RAP2A: variants seen among roughly 807,000 people sequenced by gnomAD.
RAP2A encodes ras-related protein Rap-2a.
In RAP2A, 5 loss-of-function variants were observed where a neutral mutation model predicts 15.1. The observed-to-expected ratio is 0.33, with a 90% CI of 0.17 to 0.70. RAP2A has a LOEUF of 0.70. Ranked by LOEUF, RAP2A falls within the 30% of genes least tolerant of loss-of-function variation. The probability of loss-of-function intolerance (pLI) is 0.68; values close to 1 mark genes in which losing one functional copy is unlikely to be tolerated. For missense variants in RAP2A, 111 were observed against 240.3 expected, an observed-to-expected ratio of 0.46 and a Z score of 3.56; for synonymous variants, 110 against 99.7, an observed-to-expected ratio of 1.10 and a Z score of -0.62.
intron 1 of RAP2A, among the ~76,000 whole-genome samples, chr13:97,436,908 T>TA (rs1449431637): frequency 6.6e-6 from 1 of 152,206 alleles, no homozygotes; most frequent in Non-Finnish European, 1.5e-5. Context: ...AGTAAGGTAT[T>TA]TTACACCTCA....
chr13:97,461,982 A>T (rs1032631892), intron 1 of RAP2A, among the ~76,000 whole-genome samples: 35 of 143,968 alleles, frequency 2.4e-4, no homozygotes, highest in African/African-American at 8.4e-4. Flanking sequence ...ATATATATAT[A>T]TATATATTTA....
At chr13:97,462,317 G>A (rs1450313431) in intron 1 of RAP2A, among the ~76,000 whole-genome samples, 2 of 152,026 alleles carry the variant, frequency 1.3e-5, no homozygotes, top group East Asian at 3.8e-4. Context: ...CATTTTGCAA[G>A]TAACACAAAT....
At chr13:97,434,872 G>A (rs2066626052) in intron 1 of RAP2A, 88 bp downstream of exon 1, 1 of 1,528,230 alleles carries the variant, frequency 6.5e-7, no homozygotes, top group Non-Finnish European at 8.8e-7. Flanking sequence ...TCCGGGGAAG[G>A]GGCTTTCTGG....
At chr13:97,440,089 G>A (rs1375448246) in intron 1 of RAP2A, among the ~76,000 whole-genome samples, 1 of 152,030 alleles carries the variant, frequency 6.6e-6, no homozygotes, top group Non-Finnish European at 1.5e-5. Flanking sequence ...CGAAACGAGA[G>A]TATACATCAA....
chr13:97,462,305 T>TA (rs1054105978), intron 1 of RAP2A, among the ~76,000 whole-genome samples: 1 of 152,066 alleles, frequency 6.6e-6, no homozygotes, highest in African/African-American at 2.4e-5. Flanking sequence ...GAAATGTAAT[T>TA]ACATTTTGCA....
At chr13:97,435,465 CAAAAAAAA>C (rs35791914) in intron 1 of RAP2A, among the ~76,000 whole-genome samples, 17 of 63,652 alleles carry the variant, frequency 2.7e-4, no homozygotes, top group Middle Eastern at 9.6e-3. Flanking sequence ...TAACCCCTTC[CAAAAAAAA>C]AAAAAAAAAA....
chr13:97,441,798 C>T lies in RAP2A; in HGVS notation c.314+7014C>T, dbSNP rs781456908. 5.4e-5 allele frequency: 24 copies of T among 444,768 alleles called. 1 individual carries two copies. Among genetic ancestry groups the T allele is most frequent in the South Asian group, 3.5e-4 (22 of 62,428 alleles). 27.6% of individuals were successfully genotyped at this position (444,768 alleles called of 1,614,324 possible). A position where few individuals can be genotyped will look rare whatever the true frequency, so the allele number is the denominator to read the frequency against. ...TGTTGTAAAAAGAGTTTTAAGTACTCTAAGTTTTTTTGGAGTAATAAGAGT... is the reference window on the plus strand; with the variant it reads ...TGTTGTAAAAAGAGTTTTAAGTACTTTAAGTTTTTTTGGAGTAATAAGAGT... On this transcript the variant is annotated intron_variant, in intron 1 of 1. Coordinates refer to ENST00000245304, the MANE Select transcript of RAP2A (RefSeq NM_021033.7).
At chr13:97,444,959 A>C (rs1053405236) in intron 1 of RAP2A, among the ~76,000 whole-genome samples, 7 of 152,196 alleles carry the variant, frequency 4.6e-5, no homozygotes, top group Non-Finnish European at 1.5e-5. Context: ...CAGGAAATCC[A>C]AAGTCAAGAC....
chr13:97,456,878 G>T (rs748455970), intron 1 of RAP2A, among the ~76,000 whole-genome samples: 3 of 152,096 alleles, frequency 2.0e-5, no homozygotes, highest in Non-Finnish European at 1.5e-5. Flanking sequence ...TTCAAAACAA[G>T]TCAGGTTGGA....
chr13:97,453,404 G>A (rs756829176), intron 1 of RAP2A, among the ~76,000 whole-genome samples: 31 of 150,952 alleles, frequency 2.1e-4, no homozygotes, highest in African/African-American at 2.4e-5. Flanking sequence ...CTTAGTCCCT[G>A]CCAACCATTG....
intron 1 of RAP2A, among the ~76,000 whole-genome samples, chr13:97,447,115 C>T (rs574089082): frequency 6.6e-5 from 10 of 152,250 alleles, no homozygotes; most frequent in Admixed American, 1.3e-4. Context: ...AATTTTAACT[C>T]TTAAAATAAC....
chr13:97,434,692 C>T lies in RAP2A; in HGVS notation c.222C>T (p.Asn74=), dbSNP rs767292408. 3.1e-6 allele frequency: 5 copies of T among 1,614,144 alleles called. No homozygotes were observed. The highest frequency in any genetic ancestry group is 1.7e-5 in the Admixed American group (1 of 60,026). The change falls in exon 1 of 2, where the codon AAC becomes AAT. Residue 74 remains asparagine (N), a synonymous_variant. Transcript: ENST00000245304. ...CCATGCGGGACCTGTACATCAAGAACGGCCAGGGCTTCATCCTCGTCTACA... is the reference window on the plus strand; with the variant it reads ...CCATGCGGGACCTGTACATCAAGAATGGCCAGGGCTTCATCCTCGTCTACA... ...FASMRDLYIK[N]GQGFILVYSL...
chr13:97,439,863 A>G (rs1414117719), intron 1 of RAP2A, among the ~76,000 whole-genome samples: 1 of 152,142 alleles, frequency 6.6e-6, no homozygotes, highest in Non-Finnish European at 1.5e-5. Context: ...GGAAAAAGAT[A>G]GTTGACTAGC....
rs1316630218 is a variant in RAP2A, at chr13:97,468,333, T to G, written c.*3891T>G. ...TAATTAGCAATATCACTAAAATGATTCAGAGGCCTTCTAGTGATGGCTTGA... is the reference window on the plus strand; with the variant it reads ...TAATTAGCAATATCACTAAAATGATGCAGAGGCCTTCTAGTGATGGCTTGA... On this transcript the variant is annotated 3_prime_UTR_variant, in exon 2 of 2. Coordinates refer to ENST00000245304, the MANE Select transcript of RAP2A (RefSeq NM_021033.7). The G allele has an allele frequency of 1.3e-5, 2 of 152,244 alleles. No homozygotes were observed. Among genetic ancestry groups the G allele is most frequent in the Non-Finnish European group, 2.9e-5 (2 of 68,038 alleles). The allele number at this position is 152,244 out of a possible 1,614,324, so 9.4% of individuals were successfully genotyped here.
rs2066783047 is a variant in RAP2A at position 97,468,713 on chromosome 13, A to G, written c.*4271A>G. 6.6e-6 allele frequency: 1 copy of G among 152,242 alleles called. No homozygotes were observed. The highest frequency in any genetic ancestry group is 1.5e-5 in the Non-Finnish European group (1 of 68,050). The allele number at this position is 152,242 out of a possible 1,614,324, so 9.4% of individuals were successfully genotyped here. A position where few individuals can be genotyped will look rare whatever the true frequency, so the allele number is the denominator to read the frequency against. ...GAAAACATGCCTATATTTTAGGAAT[A>G]TCTTCTGAAGAACTTCATAATTTTA... On this transcript the variant is annotated 3_prime_UTR_variant, in exon 2 of 2. Transcript: ENST00000245304.
chr13:97,440,042 T>C (rs2066650616), intron 1 of RAP2A, among the ~76,000 whole-genome samples: 1 of 152,146 alleles, frequency 6.6e-6, no homozygotes, highest in Non-Finnish European at 1.5e-5. Flanking sequence ...TTGTTACACA[T>C]AGATCTTTGG....
intron 1 of RAP2A, among the ~76,000 whole-genome samples, chr13:97,461,343 T>C (rs576443671): frequency 6.6e-6 from 1 of 152,300 alleles, no homozygotes; most frequent in African/African-American, 2.4e-5. Flanking sequence ...TCTGAGGATA[T>C]TAATGTGGAT....
chr13:97,466,028 G>A lies in RAP2A; in HGVS notation c.*1586G>A, dbSNP rs1285415214. Reference sequence around the variant, plus strand: ...AGTGTGTGTTTGTGTGTGCATGTGTGTTTATTGTTCCTAAGAATTTGGCAC... The same window carrying A: ...AGTGTGTGTTTGTGTGTGCATGTGTATTTATTGTTCCTAAGAATTTGGCAC... On this transcript the variant is annotated 3_prime_UTR_variant, in exon 2 of 2. Transcript: ENST00000245304. 6.6e-6 allele frequency: 1 copy of A among 152,126 alleles called. No individual in the cohort carries two copies. The highest frequency in any genetic ancestry group is 1.5e-5 in the Non-Finnish European group (1 of 68,024). The allele number at this position is 152,126 out of a possible 1,614,324, so 9.4% of individuals were successfully genotyped here.
Position 97,464,520 on chromosome 13 carries a change from C to T in RAP2A, c.*78C>T. 1.5e-6 allele frequency: 2 copies of T among 1,304,868 alleles called. No homozygotes were observed. The highest frequency in any genetic ancestry group is 2.2e-6 in the Non-Finnish European group (2 of 909,140). 80.8% of individuals were successfully genotyped at this position (1,304,868 alleles called of 1,614,324 possible). A position where few individuals can be genotyped will look rare whatever the true frequency, so the allele number is the denominator to read the frequency against. On this transcript the variant is annotated 3_prime_UTR_variant, in exon 2 of 2. Transcript: ENST00000245304. Reference sequence around the variant, plus strand: ...AAAACTCGCCTACTCCACTGCAGAACTTGCAGAATGCGTGGTGTTAATCTA... The same window carrying T: ...AAAACTCGCCTACTCCACTGCAGAATTTGCAGAATGCGTGGTGTTAATCTA...
Sources: allele counts gnomAD v4.1 joint callset (sites outside exome capture counted in the v4.1 genomes callset), GRCh38; gene constraint gnomAD v4.1.1; transcripts MANE v1.5; gene names NCBI Gene and HGNC (gene_info 2026-07-23, HGNC 2026-07-21).